The following MBNL2 variants were observed in gnomAD, a reference collection of about 807,000 sequenced individuals.
MBNL2 encodes the protein muscleblind like splicing regulator 2.
In MBNL2, 17 loss-of-function variants were observed where a neutral mutation model predicts 41.9. The observed-to-expected ratio is 0.41, with a 90% confidence interval of 0.28 to 0.61. The LOEUF (loss-of-function observed/expected upper bound fraction) is 0.61, where lower values mean the gene tolerates loss of function less well. Ranked by LOEUF, MBNL2 falls within the 20% of genes least tolerant of loss-of-function variation. The pLI is 0.35. For missense variants in MBNL2, 336 were observed against 505.6 expected, an observed-to-expected ratio of 0.66 and a Z score of 3.22; for synonymous variants, 195 against 182.9, an observed-to-expected ratio of 1.07 and a Z score of -0.53.
intron 2 of MBNL2, among the ~76,000 whole-genome samples, chr13:97,321,316 G>A (rs1357661977): frequency 4.6e-5 from 7 of 152,234 alleles, no homozygotes; most frequent in African/African-American, 7.2e-5. Context: ...CTCTTTGATT[G>A]CTGGGGTCCA....
intron 2 of MBNL2, among the ~76,000 whole-genome samples, chr13:97,296,455 A>C (rs1288024679): frequency 6.6e-6 from 1 of 152,142 alleles, no homozygotes; most frequent in Non-Finnish European, 1.5e-5. Context: ...TTTTTTTATA[A>C]AAAGAATCCA....
rs550077358 is a variant in MBNL2 at position 97,226,463 on chromosome 13, A to G, written c.-605+3932A>G. On this transcript the variant is annotated intron_variant, in intron 1 of 8. Transcript: ENST00000679496. The stretch of plus-strand genomic sequence containing the variant: ...GCTTTTGCTATTTGGTGAGAAACCC[A>G]ACTCAGTAACCTAATACCTGCCTTT... Among the ~76,000 whole-genome samples, 73 of 152,356 alleles carry G rather than the reference A, an allele frequency of 4.8e-4. 1 individual carries two copies. In the South Asian group the frequency reaches 0.015, roughly 31 times the overall value.
chr13:97,250,435 A>G (rs934899917), intron 1 of MBNL2, among the ~76,000 whole-genome samples: 1 of 151,892 alleles, frequency 6.6e-6, no homozygotes, highest in Non-Finnish European at 1.5e-5. Context: ...CCTTTTCCCC[A>G]TCTTTACTGT....
the MBNL2 span, among the ~76,000 whole-genome samples, chr13:97,159,637 A>C: frequency 6.7e-6 from 1 of 149,482 alleles, no homozygotes; most frequent in Non-Finnish European, 1.5e-5. Context: ...AAAGTATTTT[A>C]TTTCTCCTTC....
At chr13:97,337,955 A>G (rs2061030925) in intron 3 of MBNL2, among the ~76,000 whole-genome samples, 1 of 152,160 alleles carries the variant, frequency 6.6e-6, no homozygotes, top group Non-Finnish European at 1.5e-5. Flanking sequence ...CATCTAAGCC[A>G]CCATCAACCT....
intron 2 of MBNL2, among the ~76,000 whole-genome samples, chr13:97,305,433 T>C (rs1179367447): frequency 6.6e-6 from 1 of 152,180 alleles, no homozygotes; most frequent in Admixed American, 6.5e-5. Flanking sequence ...TGATGTAATT[T>C]TAGATTAACT....
chr13:97,270,818 C>T (rs2050795534), intron 1 of MBNL2, among the ~76,000 whole-genome samples: 2 of 152,202 alleles, frequency 1.3e-5, no homozygotes, highest in Non-Finnish European at 2.9e-5. Flanking sequence ...TCCTTACCCT[C>T]CATTGCTCTT....
At chr13:97,252,807 A>G (rs2046822414) in intron 1 of MBNL2, among the ~76,000 whole-genome samples, 1 of 152,212 alleles carries the variant, frequency 6.6e-6, no homozygotes, top group African/African-American at 2.4e-5. Context: ...ATATAATCAT[A>G]TCATCTGAAG....
At chr13:97,163,215 C>CT in the MBNL2 span, among the ~76,000 whole-genome samples, 1 of 152,052 alleles carries the variant, frequency 6.6e-6, no homozygotes, top group Non-Finnish European at 1.5e-5. Context: ...CTCTTCCTTT[C>CT]TTTTTTTTCT....
intron 2 of MBNL2, among the ~76,000 whole-genome samples, chr13:97,301,985 G>A (rs1051571702): frequency 2.6e-5 from 4 of 152,104 alleles, no homozygotes; most frequent in African/African-American, 4.8e-5. Context: ...CTCTTCATGA[G>A]GTGACCATAT....
At chr13:97,141,850 C>G in the MBNL2 span, among the ~76,000 whole-genome samples, 2 of 152,170 alleles carry the variant, frequency 1.3e-5, no homozygotes, top group African/African-American at 4.8e-5. Context: ...AGATGGAAGG[C>G]AGAGGCTGCG....
At chr13:97,163,269 G>A in the MBNL2 span, among the ~76,000 whole-genome samples, 562 of 152,196 alleles carry the variant, frequency 3.7e-3, 3 homozygotes, top group African/African-American at 0.013. Context: ...ACAAATCGAG[G>A]TCCAGATACC....
At chr13:97,236,200 T>G (rs748592622) in intron 1 of MBNL2, among the ~76,000 whole-genome samples, 1 of 152,206 alleles carries the variant, frequency 6.6e-6, no homozygotes, top group Non-Finnish European at 1.5e-5. Context: ...AGAAACACTT[T>G]TCTCCTACAC....
At chr13:97,253,246 A>T (rs2046904182) in intron 1 of MBNL2, among the ~76,000 whole-genome samples, 1 of 152,236 alleles carries the variant, frequency 6.6e-6, no homozygotes, top group South Asian at 2.1e-4. Context: ...TCATCTATCC[A>T]TCCATATATC....
chr13:97,242,891 C>G (rs1367096713), intron 1 of MBNL2, among the ~76,000 whole-genome samples: 3 of 152,134 alleles, frequency 2.0e-5, no homozygotes, highest in Admixed American at 2.0e-4. Context: ...ATGACATCAT[C>G]CTCTGAAATT....
At chr13:97,280,577 C>A (rs2053173839) in intron 2 of MBNL2, among the ~76,000 whole-genome samples, 1 of 152,212 alleles carries the variant, frequency 6.6e-6, no homozygotes, top group East Asian at 1.9e-4. Context: ...TGTTCAGGAT[C>A]TTCCAGTGGC....
At chr13:97,152,727 T>C in the MBNL2 span, among the ~76,000 whole-genome samples, 2 of 152,144 alleles carry the variant, frequency 1.3e-5, no homozygotes, top group Non-Finnish European at 2.9e-5. Flanking sequence ...TTGTCAGACA[T>C]TCAAGGTTCA....
At chr13:97,340,119 G>T (rs2061332120) in intron 3 of MBNL2, among the ~76,000 whole-genome samples, 1 of 152,216 alleles carries the variant, frequency 6.6e-6, no homozygotes, top group Admixed American at 6.5e-5. Flanking sequence ...GATTAAAGAA[G>T]ACAAGTGTGA....
chr13:97,160,673 AT>A, the MBNL2 span, among the ~76,000 whole-genome samples: 1 of 152,144 alleles, frequency 6.6e-6, no homozygotes, highest in African/African-American at 2.4e-5. Flanking sequence ...GCTAATCCAT[AT>A]TTATTGGCAT....
Sources: gnomAD v4.1 joint callset for allele counts (sites outside exome capture counted in the v4.1 genomes callset) on GRCh38, gnomAD v4.1.1 for gene constraint, MANE v1.5 for transcripts, NCBI Gene and HGNC (gene_info 2026-07-23, HGNC 2026-07-21) for gene names.